CSMD1: variants seen among roughly 807,000 people sequenced by gnomAD.
CSMD1 encodes CUB and Sushi multiple domains 1.
A neutral mutation model predicts 417.5 loss-of-function variants in CSMD1; 213 were observed. The observed-to-expected ratio is 0.51, with a 90% confidence interval of 0.46 to 0.57. The LOEUF (loss-of-function observed/expected upper bound fraction) is 0.57, where lower values mean the gene tolerates loss of function less well. Among genes scored for constraint, CSMD1 ranks in the 20% least tolerant of loss-of-function variants. The probability of loss-of-function intolerance (pLI) is 0.00; values close to 1 mark genes in which losing one functional copy is unlikely to be tolerated. For synonymous variants in CSMD1, 2,862 were observed against 1,736.8 expected (o/e 1.65, Z -16.11); for missense variants, 6,923 against 4,529.7 (o/e 1.53, Z -15.17).
chr8:3,332,812 C>T (rs1466777200), intron 23 of CSMD1, among the ~76,000 whole-genome samples: 4 of 152,206 alleles, frequency 2.6e-5, no homozygotes, highest in Non-Finnish European at 5.9e-5. Context: ...GCTGCTCCAA[C>T]CCTGGATGTA....
chr8:4,471,927 G>C (rs1248721284), intron 2 of CSMD1, among the ~76,000 whole-genome samples: 2 of 152,118 alleles, frequency 1.3e-5, no homozygotes, highest in Admixed American at 1.3e-4. Flanking sequence ...GGAAATAACA[G>C]GGACTTTATA....
At chr8:4,947,519 C>A (rs544291235) in intron 1 of CSMD1, among the ~76,000 whole-genome samples, 1 of 152,024 alleles carries the variant, frequency 6.6e-6, no homozygotes, top group Non-Finnish European at 1.5e-5. Flanking sequence ...ACATCAATCC[C>A]ACATGTGGTC....
intron 5 of CSMD1, among the ~76,000 whole-genome samples, chr8:3,789,211 C>T (rs996935971): frequency 2.4e-4 from 37 of 152,076 alleles, no homozygotes; most frequent in African/African-American, 8.7e-4. Context: ...TGTGTATGAG[C>T]AAGATAGTGG....
At chr8:4,710,155 T>A (rs950327608) in intron 1 of CSMD1, among the ~76,000 whole-genome samples, 1 of 152,014 alleles carries the variant, frequency 6.6e-6, no homozygotes, top group Non-Finnish European at 1.5e-5. Flanking sequence ...GATTAATTCC[T>A]GTCTGCATGC....
At chr8:4,233,312 T>C (rs1700042) in intron 3 of CSMD1, among the ~76,000 whole-genome samples, 9,181 of 152,284 alleles carry the variant, frequency 0.06, 355 homozygotes, top group Middle Eastern at 0.14. Context: ...CAAATTTGAA[T>C]GTTAAAAACC....
At position 3,275,670 on chromosome 8, in the gene CSMD1, T is replaced by C. The variant is rs1802228905; in HGVS notation, c.4153+8474A>G. Among the ~76,000 whole-genome samples, 5 of 152,206 alleles carry C rather than the reference T, an allele frequency of 3.3e-5. No individual in the cohort carries two copies. The South Asian group carries it at 1.0e-3, about 32-fold the overall frequency. ...TCTAAACTTCCCTTCTCGCTTCATTTCATTCATTTCATCTTCCATCACTGA... is the reference window on the plus strand; with the variant it reads ...TCTAAACTTCCCTTCTCGCTTCATTCCATTCATTTCATCTTCCATCACTGA... On this transcript the variant is annotated intron_variant, in intron 26 of 69. Coordinates refer to ENST00000635120, the MANE Select transcript of CSMD1 (RefSeq NM_033225.6).
chr8:3,610,779 T>G (rs970587280), intron 8 of CSMD1, among the ~76,000 whole-genome samples: 10 of 152,092 alleles, frequency 6.6e-5, no homozygotes, highest in Non-Finnish European at 1.5e-4. Context: ...TTTTAAGGTG[T>G]GCCCCACAGA....
At chr8:2,985,813 A>G (rs1031706611) in intron 54 of CSMD1, among the ~76,000 whole-genome samples, 1 of 152,008 alleles carries the variant, frequency 6.6e-6, no homozygotes, top group Non-Finnish European at 1.5e-5. Context: ...GGTACTTTCA[A>G]TTTATTCTAC....
At chr8:4,217,966 G>A (rs1201858655) in intron 3 of CSMD1, among the ~76,000 whole-genome samples, 1 of 152,212 alleles carries the variant, frequency 6.6e-6, no homozygotes, top group African/African-American at 2.4e-5. Context: ...TAATGCCATG[G>A]TAGTTGGTGG....
At chr8:2,980,606 T>C (rs965440234) in intron 54 of CSMD1, among the ~76,000 whole-genome samples, 1 of 150,932 alleles carries the variant, frequency 6.6e-6, no homozygotes, top group Non-Finnish European at 1.5e-5. Context: ...CCCTTCTCCT[T>C]GCAGGCAGAG....
At chr8:4,590,520 G>C (rs1038103873) in intron 2 of CSMD1, among the ~76,000 whole-genome samples, 1 of 151,852 alleles carries the variant, frequency 6.6e-6, no homozygotes, top group Non-Finnish European at 1.5e-5. Context: ...TGAAGCGCTA[G>C]CATAATACCT....
chr8:3,408,215 G>A lies in CSMD1; in HGVS notation c.1755C>T (p.Phe585=), dbSNP rs752315736. Residue 585 remains phenylalanine (F), a synonymous_variant, in exon 14 of 70, where the codon TTC becomes TTT. Coordinates refer to ENST00000635120, the MANE Select transcript of CSMD1 (RefSeq NM_033225.6). ...TCCCAGATGATGCCGTAAAGTTGAAGAAACATGAAACTGTGAAGATGCAAA... is the reference window on the plus strand; with the variant it reads ...TCCCAGATGATGCCGTAAAGTTGAAAAAACATGAAACTGTGAAGATGCAAA... ...GNKPSCVFSC[F]FNFTASSGII... is the part of the protein sequence containing the mutation. 10 of 1,598,512 alleles carry A rather than the reference G, an allele frequency of 6.3e-6. No homozygotes were observed. Among genetic ancestry groups the A allele is most frequent in the South Asian group, 1.1e-5 (1 of 89,206 alleles).
intron 1 of CSMD1, among the ~76,000 whole-genome samples, chr8:4,959,099 G>C (rs1224268496): frequency 6.6e-6 from 1 of 152,156 alleles, no homozygotes; most frequent in Non-Finnish European, 1.5e-5. Flanking sequence ...TTTAGTCTAT[G>C]CTTAGTTTTA....
At chr8:3,512,044 G>A (rs984890273) in intron 10 of CSMD1, among the ~76,000 whole-genome samples, 1 of 152,012 alleles carries the variant, frequency 6.6e-6, no homozygotes, top group Non-Finnish European at 1.5e-5. Context: ...CCCCATCACC[G>A]TGGATCCACT....
At chr8:4,363,668 G>A (rs914648081) in intron 3 of CSMD1, among the ~76,000 whole-genome samples, 1 of 152,170 alleles carries the variant, frequency 6.6e-6, no homozygotes, top group Non-Finnish European at 1.5e-5. Context: ...CCTTTAAAAA[G>A]CATTACATCG....
intron 1 of CSMD1, among the ~76,000 whole-genome samples, chr8:4,957,669 G>C (rs1007429525): frequency 2.0e-5 from 3 of 152,108 alleles, no homozygotes; most frequent in South Asian, 4.1e-4. Flanking sequence ...ATTAACAAAA[G>C]GATATAAAAA....
chr8:3,384,790 T>TATATATTTATATAATTTATATA lies in CSMD1; in HGVS notation c.2782+2703_2782+2704insTATATAAATTATATAAATATAT, dbSNP rs1554533504. 7.6e-5 allele frequency among the ~76,000 whole-genome samples: 9 copies of TATATATTTATATAATTTATATA among 118,694 alleles called. No homozygotes were observed. The East Asian group carries it at 2.1e-3, about 27-fold the overall frequency. The allele number at this position is 118,694 out of a possible 152,430, so 77.9% of individuals were successfully genotyped here. On this transcript the variant is annotated intron_variant, in intron 18 of 69. Transcript: ENST00000635120. ...AAATATATATTTATATAATATATATTAATATATGCTATTTATATATAAATA... is the reference window on the plus strand; with the variant it reads ...AAATATATATTTATATAATATATATTATATATTTATATAATTTATATAAATATATGCTATTTATATATAAATA...
At chr8:4,867,676 T>C (rs571136158) in intron 1 of CSMD1, among the ~76,000 whole-genome samples, 2 of 152,212 alleles carry the variant, frequency 1.3e-5, no homozygotes, top group South Asian at 4.1e-4. Flanking sequence ...TGAGAAAAGT[T>C]ATATGTTTAG....
chr8:3,082,495 T>C (rs563252570), intron 49 of CSMD1, among the ~76,000 whole-genome samples: 63 of 152,284 alleles, frequency 4.1e-4, no homozygotes, highest in African/African-American at 1.4e-3. Flanking sequence ...GACTATCATA[T>C]TGACTTGTAC....
Sources: gnomAD v4.1 joint callset for allele counts (sites outside exome capture counted in the v4.1 genomes callset) on GRCh38, gnomAD v4.1.1 for gene constraint, MANE v1.5 for transcripts, NCBI Gene and HGNC (gene_info 2026-07-23, HGNC 2026-07-21) for gene names.